CFAP210: variants seen among roughly 807,000 people sequenced by gnomAD.
CFAP210 encodes cilia- and flagella- associated protein 210.
At chr2:169,686,557 C>T in the CFAP210 span, among the ~76,000 whole-genome samples, 1 of 152,174 alleles carries the variant, frequency 6.6e-6, no homozygotes, top group African/African-American at 2.4e-5. Context: ...GGTCTCTCTG[C>T]AGAGTCTGGA....
At chr2:169,661,105 C>G in the CFAP210 span, 1 of 555,606 alleles carries the variant, frequency 1.8e-6, no homozygotes, top group Non-Finnish European at 3.6e-6. Context: ...TCCCTGAAGA[C>G]CTTTTAATGC....
the CFAP210 span, among the ~76,000 whole-genome samples, chr2:169,661,804 C>CT: frequency 3.3e-5 from 5 of 152,156 alleles, no homozygotes; most frequent in South Asian, 4.1e-4. Flanking sequence ...TTCTACTCCA[C>CT]TTTTTTTTAA....
At chr2:169,662,535 C>A in the CFAP210 span, 9 of 1,047,356 alleles carry the variant, frequency 8.6e-6, no homozygotes, top group South Asian at 1.6e-4. Context: ...GTTGAAGCTG[C>A]AAGGAAAAAT....
the CFAP210 span, among the ~76,000 whole-genome samples, chr2:169,665,139 G>A: frequency 2.6e-5 from 4 of 152,184 alleles, no homozygotes; most frequent in East Asian, 7.7e-4. Context: ...AAAAGAGGAG[G>A]AGGAGAGTTC....
the CFAP210 span, chr2:169,662,264 T>C: frequency 6.3e-7 from 1 of 1,588,638 alleles, no homozygotes; most frequent in Non-Finnish European, 8.5e-7. Flanking sequence ...TTGGAACTTT[T>C]GCCCTTTCAA....
the CFAP210 span, among the ~76,000 whole-genome samples, chr2:169,689,210 C>CA: frequency 8.9e-4 from 136 of 152,332 alleles, no homozygotes; most frequent in African/African-American, 2.9e-3. Context: ...TTGGGAGATA[C>CA]AATTCAAGTT....
the CFAP210 span, chr2:169,674,500 T>C: frequency 2.0e-5 from 25 of 1,268,130 alleles, no homozygotes; most frequent in Non-Finnish European, 2.6e-5. Context: ...CATGTATTAC[T>C]TTTATAATTA....
At chr2:169,645,779 T>C in the CFAP210 span, 2 of 1,010,684 alleles carry the variant, frequency 2.0e-6, no homozygotes, top group Non-Finnish European at 2.9e-6. Flanking sequence ...CTGAAATCCA[T>C]TTATATTTGA....
the CFAP210 span, chr2:169,649,337 T>A: frequency 4.3e-6 from 7 of 1,609,884 alleles, no homozygotes; most frequent in Non-Finnish European, 5.9e-6. Context: ...TCTTCCTCTT[T>A]ATTTTTCATC....
the CFAP210 span, among the ~76,000 whole-genome samples, chr2:169,683,856 G>C: frequency 6.6e-6 from 1 of 152,028 alleles, no homozygotes; most frequent in South Asian, 2.1e-4. Flanking sequence ...AATAGAGTTG[G>C]GTAACCACAA....
the CFAP210 span, among the ~76,000 whole-genome samples, chr2:169,667,130 ATTTTCTT>A: frequency 1.5e-5 from 2 of 134,792 alleles, no homozygotes; most frequent in Non-Finnish European, 1.6e-5. Flanking sequence ...TGAATCACAA[ATTTTCTT>A]TTTTCTTTTT....
chr2:169,657,005 A>G, the CFAP210 span, among the ~76,000 whole-genome samples: 5 of 151,574 alleles, frequency 3.3e-5, no homozygotes, highest in African/African-American at 9.7e-5. Flanking sequence ...GTAAAAAAAA[A>G]AGAGAAGAAG....
At chr2:169,694,383 G>T in the CFAP210 span, 3 of 1,557,882 alleles carry the variant, frequency 1.9e-6, no homozygotes, top group South Asian at 2.2e-5. Context: ...GACGCCAGCC[G>T]GTGGAGTTGT....
At chr2:169,648,006 A>G in the CFAP210 span, among the ~76,000 whole-genome samples, 1 of 151,776 alleles carries the variant, frequency 6.6e-6, no homozygotes, top group African/African-American at 2.4e-5. Context: ...AAATACAAAA[A>G]TTAGCCCAGC....
At chr2:169,648,302 A>ATT in the CFAP210 span, 1 of 175,264 alleles carries the variant, frequency 5.7e-6, no homozygotes, top group Non-Finnish European at 1.3e-5. Context: ...TGGAGAAAAG[A>ATT]GGGGATAGGG....
At chr2:169,646,003 T>A in the CFAP210 span, 1 of 1,613,994 alleles carries the variant, frequency 6.2e-7, no homozygotes. Context: ...CTCCAGGTCC[T>A]TCCTGTACAG....
the CFAP210 span, among the ~76,000 whole-genome samples, chr2:169,687,096 G>A: frequency 6.6e-6 from 1 of 152,082 alleles, no homozygotes; most frequent in Non-Finnish European, 1.5e-5. Flanking sequence ...AGAATGGCAT[G>A]GTAAAGACCA....
the CFAP210 span, chr2:169,646,175 T>C: frequency 2.5e-6 from 4 of 1,603,426 alleles, no homozygotes; most frequent in Non-Finnish European, 3.4e-6. Flanking sequence ...ATTAAACTTA[T>C]TTTTGGCCTA....
the CFAP210 span, among the ~76,000 whole-genome samples, chr2:169,665,318 C>A: frequency 3.9e-5 from 6 of 152,106 alleles, no homozygotes; most frequent in Non-Finnish European, 7.4e-5. Context: ...ACTGGTCTCA[C>A]TCTGTCATCC....
Sources: allele counts gnomAD v4.1 joint callset (sites outside exome capture counted in the v4.1 genomes callset), GRCh38; gene constraint gnomAD v4.1.1; transcripts MANE v1.5; gene names NCBI Gene and HGNC (gene_info 2026-07-23, HGNC 2026-07-21).